The following LIN7A variants were observed in gnomAD, a reference collection of about 807,000 sequenced individuals.
The protein encoded by LIN7A is lin-7 cell polarity scaffold A.
Under a neutral mutation model 29.8 loss-of-function variants are expected in LIN7A, and 25 were observed. The ratio of observed to expected loss-of-function variants is 0.84; its 90% confidence interval spans 0.61 to 1.17. The LOEUF (loss-of-function observed/expected upper bound fraction) is 1.17. Ranked by LOEUF, LIN7A falls within the 50% of genes most tolerant of loss-of-function variation. The pLI is 0.00. For missense variants in LIN7A, 239 were observed against 287.0 expected (o/e 0.83, Z 1.21); for synonymous variants, 118 against 107.5 (o/e 1.10, Z -0.60).
chr12:80,829,675 T>C (rs1238333502), intron 4 of LIN7A, among the ~76,000 whole-genome samples: 3 of 152,224 alleles, frequency 2.0e-5, no homozygotes, highest in Non-Finnish European at 4.4e-5. Context: ...TCAGTTGACC[T>C]AGGAATTTTT....
chr12:80,916,996 T>G (rs918115288), intron 1 of LIN7A, among the ~76,000 whole-genome samples: 1 of 152,148 alleles, frequency 6.6e-6, no homozygotes, highest in South Asian at 2.1e-4. Context: ...ATATGGTCAG[T>G]TAATAAAAAT....
At chr12:80,806,108 G>T (rs1342629775) in intron 5 of LIN7A, among the ~76,000 whole-genome samples, 4 of 151,566 alleles carry the variant, frequency 2.6e-5, no homozygotes, top group Non-Finnish European at 5.9e-5. Flanking sequence ...AAAAATAGTG[G>T]CTTTCCCCTC....
rs1029803098 is a variant in LIN7A, at chr12:80,848,266, C to T, written c.258G>A (p.Ala86=). 19 of 1,612,878 alleles carry T rather than the reference C, an allele frequency of 1.2e-5. No individual in the cohort carries two copies. The highest frequency in any genetic ancestry group is 2.2e-5 in the East Asian group (1 of 44,852). The change falls in exon 3 of 6, where the codon GCG becomes GCA. Residue 86 remains alanine (A), a synonymous_variant. Coordinates refer to ENST00000552864, the MANE Select transcript of LIN7A (RefSeq NM_004664.4). Reference sequence around the variant, plus strand: ...CAAGCCTTACCTTTGCTGTTGCCCTCGCACGGAATTCGGGACAGCCATTAA... The same window carrying T: ...CAAGCCTTACCTTTGCTGTTGCCCTTGCACGGAATTCGGGACAGCCATTAA... The part of the protein sequence containing the change: ...ITVNGCPEFR[A]RATAKATVAA...
rs148643437 is a variant in LIN7A, at chr12:80,860,263, C to T, written c.202-11941G>A. Among the ~76,000 whole-genome samples the T allele has an allele frequency of 3.7e-4, 56 of 152,186 alleles. No homozygotes were observed. The East Asian group carries it at 8.7e-3, about 24-fold the overall frequency. On this transcript the variant is annotated intron_variant, in intron 2 of 5. Transcript: ENST00000552864. ...CAATAATAATTATTGCATCTGTTAC[C>T]GCACAGACTGCAAGAAGTTTAGAAT...
At chr12:80,814,077 C>T (rs960236985) in intron 4 of LIN7A, among the ~76,000 whole-genome samples, 1 of 152,068 alleles carries the variant, frequency 6.6e-6, no homozygotes, top group South Asian at 2.1e-4. Flanking sequence ...CTTAAGCACC[C>T]TTGAATTATA....
intron 1 of LIN7A, among the ~76,000 whole-genome samples, chr12:80,893,169 T>G (rs566285622): frequency 5.3e-5 from 8 of 152,318 alleles, no homozygotes; most frequent in African/African-American, 1.7e-4. Context: ...TACTCTCTAT[T>G]ATTCTTTAAT....
chr12:80,851,936 T>C (rs1408010928), intron 2 of LIN7A, among the ~76,000 whole-genome samples: 2 of 152,106 alleles, frequency 1.3e-5, no homozygotes, highest in Admixed American at 6.6e-5. Context: ...CTACTGAAAA[T>C]TGAAAAAGAT....
In LIN7A at chr12:80,896,298, G is replaced by A. The variant is rs139146838; in HGVS notation, c.83-6929C>T. On this transcript the variant is annotated intron_variant, in intron 1 of 5. Transcript: ENST00000552864. ...GTTGGTGGAACACTGCAATCAAGGCGACAAGCGATAGTAACAGTGATGTCC... is the reference window on the plus strand; with the variant it reads ...GTTGGTGGAACACTGCAATCAAGGCAACAAGCGATAGTAACAGTGATGTCC... 3.9e-3 allele frequency among the ~76,000 whole-genome samples: 593 copies of A among 152,272 alleles called. 7 individuals carry two copies. Among genetic ancestry groups the A allele is most frequent in the Admixed American group, 0.026 (392 of 15,302 alleles).
intron 1 of LIN7A, among the ~76,000 whole-genome samples, chr12:80,918,734 C>A (rs917144446): frequency 1.3e-5 from 2 of 152,172 alleles, no homozygotes; most frequent in African/African-American, 2.4e-5. Flanking sequence ...ATTAGAGACT[C>A]ACTTAAAATT....
chr12:80,853,798 G>A (rs917771569), intron 2 of LIN7A, among the ~76,000 whole-genome samples: 7 of 152,184 alleles, frequency 4.6e-5, no homozygotes, highest in African/African-American at 1.7e-4. Context: ...CCAGATTCAA[G>A]CGATTCTGCT....
In LIN7A at chr12:80,935,154, C is replaced by T. The variant is rs1441921440; in HGVS notation, c.82+2487G>A. On this transcript the variant is annotated intron_variant, in intron 1 of 5. Coordinates refer to ENST00000552864, the MANE Select transcript of LIN7A (RefSeq NM_004664.4). ...TTTTTATTGTACTGTGAGTCAGGGA[C>T]TATAGCAGACACTGAGAATTCAAAG... is the stretch of plus-strand genomic sequence containing the variant. Among the ~76,000 whole-genome samples, 10 of 152,276 alleles carry T rather than the reference C, an allele frequency of 6.6e-5. No individual in the cohort carries two copies. In the South Asian group the frequency reaches 1.9e-3, roughly 28 times the overall value.
intron 1 of LIN7A, among the ~76,000 whole-genome samples, chr12:80,890,721 C>T (rs563740130): frequency 6.6e-6 from 1 of 152,254 alleles, no homozygotes; most frequent in East Asian, 1.9e-4. Context: ...TCTTTTAGTA[C>T]ATAAACAGGA....
chr12:80,935,893 A>G (rs11613504), intron 1 of LIN7A: 19,655 of 395,608 alleles, frequency 0.05, 682 homozygotes, highest in Middle Eastern at 0.079. Flanking sequence ...CGACTGAGGC[A>G]TCTAAGGGCT....
chr12:80,825,238 T>C (rs527353535), intron 4 of LIN7A, among the ~76,000 whole-genome samples: 1 of 152,244 alleles, frequency 6.6e-6, no homozygotes, highest in Admixed American at 6.5e-5. Context: ...ATAAGAAAAG[T>C]TTGAAACAGT....
chr12:80,866,756 G>A (rs1920998), intron 2 of LIN7A, among the ~76,000 whole-genome samples: 64,563 of 151,844 alleles, frequency 0.43, 14,165 homozygotes, highest in East Asian at 0.67. Flanking sequence ...TCAAGGTAAA[G>A]AAAATCTAAG....
At chr12:80,915,070 C>T (rs1458366734) in intron 1 of LIN7A, among the ~76,000 whole-genome samples, 2 of 148,098 alleles carry the variant, frequency 1.4e-5, no homozygotes, top group Admixed American at 1.4e-4. Flanking sequence ...AGACAACTTA[C>T]AGAATGGGAG....
intron 2 of LIN7A, among the ~76,000 whole-genome samples, chr12:80,870,614 C>A (rs932955018): frequency 5.3e-5 from 8 of 152,148 alleles, no homozygotes; most frequent in African/African-American, 1.7e-4. Flanking sequence ...ACTTCCATCA[C>A]AAATACCTTC....
intron 4 of LIN7A, among the ~76,000 whole-genome samples, chr12:80,839,120 C>T (rs1015020737): frequency 6.6e-6 from 1 of 152,158 alleles, no homozygotes; most frequent in Admixed American, 6.5e-5. Context: ...AACAACTGAT[C>T]TCTCTCCACC....
chr12:80,889,312 A>T lies in LIN7A; in HGVS notation c.140T>A (p.Val47Glu), dbSNP rs1258599039. The stretch of plus-strand genomic sequence containing the variant: ...TTTTTTGAGGGATTGTAGCTTGTGC[A>T]CTGGTACTTCTCCAGATTCCTGTAG... ...EKLQESGEVPVHKLQSLKKVL... is the reference protein window; with the variant it reads ...EKLQESGEVPEHKLQSLKKVL... Residue 47 changes from valine (V) to glutamate (E), a missense_variant, in exon 2 of 6, where the codon GTG (valine) becomes GAG (glutamate). Coordinates refer to ENST00000552864, the MANE Select transcript of LIN7A (RefSeq NM_004664.4). 2 of 1,612,862 alleles carry T rather than the reference A, an allele frequency of 1.2e-6. No individual in the cohort carries two copies. The highest frequency in any genetic ancestry group is 1.3e-5 in the African/African-American group (1 of 74,872).
Sources: allele counts gnomAD v4.1 joint callset (sites outside exome capture counted in the v4.1 genomes callset), GRCh38; gene constraint gnomAD v4.1.1; transcripts MANE v1.5; gene names NCBI Gene and HGNC (gene_info 2026-07-23, HGNC 2026-07-21).